SORCS2: variants seen among roughly 807,000 people sequenced by gnomAD.
The protein encoded by SORCS2 is sortilin related VPS10 domain containing receptor 2.
SORCS2 carries 100 observed loss-of-function variants against 141.6 expected under a neutral mutation model. That is an observed-to-expected ratio of 0.71 (90% CI 0.60 to 0.83). The LOEUF (loss-of-function observed/expected upper bound fraction) is 0.83, where lower values mean the gene tolerates loss of function less well. Among genes scored for constraint, SORCS2 ranks in the 40% least tolerant of loss-of-function variants. SORCS2 has a pLI of 0.00. For missense variants in SORCS2, 1,646 were observed against 1,560.2 expected, an observed-to-expected ratio of 1.05 and a Z score of -0.93; for synonymous variants, 789 against 676.9, an observed-to-expected ratio of 1.17 and a Z score of -2.57.
chr4:7,326,107 G>A (rs1301361006), intron 1 of SORCS2, among the ~76,000 whole-genome samples: 1 of 152,134 alleles, frequency 6.6e-6, no homozygotes. Context: ...CTCAGAGGCA[G>A]GTGGTGAGGG....
At chr4:7,303,976 G>A (rs1717617613) in intron 1 of SORCS2, among the ~76,000 whole-genome samples, 1 of 152,270 alleles carries the variant, frequency 6.6e-6, no homozygotes, top group African/African-American at 2.4e-5. Flanking sequence ...GATTTTGTGG[G>A]ATCCTCCTAA....
At chr4:7,493,937 T>A (rs1381379229) in intron 2 of SORCS2, among the ~76,000 whole-genome samples, 1 of 152,234 alleles carries the variant, frequency 6.6e-6, no homozygotes, top group Non-Finnish European at 1.5e-5. Flanking sequence ...ACAAGCCTTT[T>A]AGTTTCCATC....
chr4:7,501,608 C>T (rs774540546), intron 2 of SORCS2, among the ~76,000 whole-genome samples: 11 of 152,186 alleles, frequency 7.2e-5, no homozygotes, highest in Non-Finnish European at 1.5e-4. Flanking sequence ...AGAGGCTTCT[C>T]GCACCCGGTC....
intron 1 of SORCS2, among the ~76,000 whole-genome samples, chr4:7,395,465 C>T (rs1483996733): frequency 2.0e-5 from 3 of 152,204 alleles, no homozygotes; most frequent in African/African-American, 7.2e-5. Context: ...TACATGAAAA[C>T]GCAGTGGCTG....
At chr4:7,302,794 C>CGTGTGT (rs1220125323) in intron 1 of SORCS2, among the ~76,000 whole-genome samples, 1 of 47,568 alleles carries the variant, frequency 2.1e-5, no homozygotes, top group Non-Finnish European at 8.1e-5. Flanking sequence ...TGTGTGCGCG[C>CGTGTGT]GCGTGTGTGT....
intron 1 of SORCS2, among the ~76,000 whole-genome samples, chr4:7,369,368 C>T (rs565574401): frequency 3.9e-5 from 6 of 152,270 alleles, no homozygotes; most frequent in Admixed American, 6.5e-5. Context: ...TGCTCAGTCT[C>T]GGGTATGTCT....
intron 3 of SORCS2, among the ~76,000 whole-genome samples, chr4:7,611,260 A>G (rs1718387225): frequency 6.6e-6 from 1 of 152,182 alleles, no homozygotes; most frequent in Admixed American, 6.5e-5. Context: ...TGGGTGTTGG[A>G]TGAAGCTGCA....
rs73090200 is a variant in SORCS2 at position 7,485,226 on chromosome 4, G to A, written c.549-46304G>A. On this transcript the variant is annotated intron_variant, in intron 2 of 26. Coordinates refer to ENST00000507866, the MANE Select transcript of SORCS2 (RefSeq NM_020777.3). ...CGGTCCCCAGATGAGATCCAGGTCT[G>A]GTCTAAGCCAGCATGCCCCTCCCAT... Among the ~76,000 whole-genome samples, 321 of 152,330 alleles carry A rather than the reference G, an allele frequency of 2.1e-3. 1 individual carries two copies. The highest frequency in any genetic ancestry group is 7.3e-3 in the African/African-American group (302 of 41,574).
rs187254425 is a variant in SORCS2, at chr4:7,252,585, C to T, written c.480+59459C>T. Among the ~76,000 whole-genome samples the T allele has an allele frequency of 2.0e-3, 311 of 152,318 alleles. 1 individual carries two copies. The highest frequency in any genetic ancestry group is 6.8e-3 in the Middle Eastern group (2 of 294). On this transcript the variant is annotated intron_variant, in intron 1 of 26. Transcript: ENST00000507866. ...AGGCTCTACATACTTCCCCAAATGT[C>T]TTTGCACCAGACAGCGACTCTTTAT... is the stretch of plus-strand genomic sequence containing the variant.
chr4:7,243,934 G>A (rs943216264), intron 1 of SORCS2, among the ~76,000 whole-genome samples: 2 of 152,216 alleles, frequency 1.3e-5, no homozygotes, highest in Non-Finnish European at 2.9e-5. Flanking sequence ...GTGGGATTCC[G>A]GTGGAGCTGG....
At chr4:7,482,899 C>G (rs567350376) in intron 2 of SORCS2, among the ~76,000 whole-genome samples, 1 of 152,338 alleles carries the variant, frequency 6.6e-6, no homozygotes, top group Admixed American at 6.5e-5. Flanking sequence ...GAGGCTCCCT[C>G]TGAAATTCAC....
At chr4:7,650,572 G>A (rs1233885204) in intron 4 of SORCS2, among the ~76,000 whole-genome samples, 1 of 152,216 alleles carries the variant, frequency 6.6e-6, no homozygotes, top group African/African-American at 2.4e-5. Context: ...TAGACTCACA[G>A]ACGCTCCCCT....
chr4:7,390,785 A>G (rs1313807883), intron 1 of SORCS2, among the ~76,000 whole-genome samples: 1 of 152,212 alleles, frequency 6.6e-6, no homozygotes, highest in Non-Finnish European at 1.5e-5. Context: ...GGAGCAGTTT[A>G]TGAAAATGGT....
chr4:7,266,166 G>A (rs956263428), intron 1 of SORCS2, among the ~76,000 whole-genome samples: 1 of 152,178 alleles, frequency 6.6e-6, no homozygotes, highest in Non-Finnish European at 1.5e-5. Flanking sequence ...GTTGGGTCCA[G>A]CTCACCCCAA....
intron 1 of SORCS2, among the ~76,000 whole-genome samples, chr4:7,252,065 G>A (rs1022731932): frequency 6.6e-6 from 1 of 152,184 alleles, no homozygotes; most frequent in African/African-American, 2.4e-5. Flanking sequence ...GGAAGGCCTC[G>A]AGTCACTCAA....
chr4:7,737,839 CTGG>C, intron 26 of SORCS2, among the ~76,000 whole-genome samples: 1 of 152,228 alleles, frequency 6.6e-6, no homozygotes, highest in Non-Finnish European at 1.5e-5. Context: ...CAGTCAATGG[CTGG>C]TGCAGCAGTC....
intron 3 of SORCS2, among the ~76,000 whole-genome samples, chr4:7,586,971 G>C (rs1464866426): frequency 5.9e-5 from 9 of 151,992 alleles, no homozygotes; most frequent in African/African-American, 2.2e-4. Context: ...GGACTGTAGA[G>C]CTCAGAGTAC....
chr4:7,238,371 G>A (rs1712440400), intron 1 of SORCS2, among the ~76,000 whole-genome samples: 1 of 152,188 alleles, frequency 6.6e-6, no homozygotes, highest in African/African-American at 2.4e-5. Flanking sequence ...AATCCAGACT[G>A]AGGCTGTTGT....
intron 3 of SORCS2, among the ~76,000 whole-genome samples, chr4:7,557,181 T>C (rs1268813672): frequency 6.6e-6 from 1 of 152,128 alleles, no homozygotes; most frequent in African/African-American, 2.4e-5. Flanking sequence ...GCGGTTGAAT[T>C]TACCTTTGTT....
Sources: allele counts gnomAD v4.1 joint callset (sites outside exome capture counted in the v4.1 genomes callset), GRCh38; gene constraint gnomAD v4.1.1; transcripts MANE v1.5; gene names NCBI Gene and HGNC (gene_info 2026-07-23, HGNC 2026-07-21).